The following ITGB3 variants were observed in gnomAD, a reference collection of about 807,000 sequenced individuals.
ITGB3 encodes the protein integrin beta-3.
Under a neutral mutation model 85.8 loss-of-function variants are expected in ITGB3, and 48 were observed. The ratio of observed to expected loss-of-function variants is 0.56; its 90% confidence interval spans 0.44 to 0.71. The LOEUF (loss-of-function observed/expected upper bound fraction) is 0.71. Ranked by LOEUF, ITGB3 falls within the 30% of genes least tolerant of loss-of-function variation. The probability of loss-of-function intolerance (pLI) is 0.00; values close to 1 mark genes in which losing one functional copy is unlikely to be tolerated. For synonymous variants in ITGB3, 363 were observed against 395.6 expected (o/e 0.92, Z 0.98); for missense variants, 861 against 1,019.1 (o/e 0.84, Z 2.11).
chr17:47,283,764 A>G (rs998195575), intron 3 of ITGB3, among the ~76,000 whole-genome samples: 1 of 152,250 alleles, frequency 6.6e-6, no homozygotes, highest in Non-Finnish European at 1.5e-5. Flanking sequence ...ACTGTATCAT[A>G]TATTAGCTAT....
rs376656815 is a variant in ITGB3 at position 47,292,163 on chromosome 17, G to A, written c.1285G>A (p.Val429Met). 3.1e-6 allele frequency: 5 copies of A among 1,614,096 alleles called. No homozygotes were observed. In the African/African-American group the frequency reaches 6.7e-5, roughly 22 times the overall value. ...GGTGAGCTTCAGCATTGAGGCCAAG[G>A]TGCGAGGCTGTCCCCAGGAGAAGGA... is the stretch of plus-strand genomic sequence containing the variant. ...DTVSFSIEAKVRGCPQEKEKS... is the reference protein window; with the variant it reads ...DTVSFSIEAKMRGCPQEKEKS... The change falls in exon 10 of 15, where the codon GTG becomes ATG. Residue 429 changes from valine (V) to methionine (M), a missense_variant. Val to Met is a conservative substitution (Grantham distance 21). Coordinates refer to ENST00000559488, the MANE Select transcript of ITGB3 (RefSeq NM_000212.3).
intron 2 of ITGB3, among the ~76,000 whole-genome samples, chr17:47,278,460 A>T (rs969713318): frequency 2.0e-5 from 3 of 151,954 alleles, no homozygotes; most frequent in African/African-American, 7.3e-5. Flanking sequence ...CAGGCCTGTA[A>T]CCCCAGCTAC....
At chr17:47,305,134 T>C (rs2065182668) in intron 13 of ITGB3, among the ~76,000 whole-genome samples, 2 of 152,200 alleles carry the variant, frequency 1.3e-5, no homozygotes, top group Admixed American at 1.3e-4. Context: ...CTGCCCATAC[T>C]AATGTGCAGA....
intron 13 of ITGB3, chr17:47,303,631 C>A (rs2065175717): frequency 6.6e-6 from 1 of 152,282 alleles, no homozygotes; most frequent in African/African-American, 2.4e-5. Flanking sequence ...GTTTGAGGCA[C>A]TAAGGCAAGG....
chr17:47,279,794 A>G (rs1478696877), intron 2 of ITGB3: 1 of 152,202 alleles, frequency 6.6e-6, no homozygotes, highest in Admixed American at 6.5e-5. Flanking sequence ...TCCGCTCCTC[A>G]CTGCATTCTG....
chr17:47,272,662 A>T (rs2065048545), intron 1 of ITGB3, among the ~76,000 whole-genome samples: 3 of 116,742 alleles, frequency 2.6e-5, no homozygotes, highest in South Asian at 3.1e-4. Context: ...AATTTTATGT[A>T]ATCTTTCTTT....
At chr17:47,254,723 G>A (rs768394200) in intron 1 of ITGB3, among the ~76,000 whole-genome samples, 2 of 152,130 alleles carry the variant, frequency 1.3e-5, no homozygotes, top group African/African-American at 4.8e-5. Context: ...ATTGGCATTC[G>A]GCCTCTTTGG....
intron 1 of ITGB3, among the ~76,000 whole-genome samples, chr17:47,254,271 G>A (rs1380836880): frequency 6.6e-6 from 1 of 152,090 alleles, no homozygotes; most frequent in Non-Finnish European, 1.5e-5. Flanking sequence ...CGCGCGTCGC[G>A]GGTGGTCCTG....
intron 1 of ITGB3, among the ~76,000 whole-genome samples, chr17:47,256,473 A>AC (rs5820648): frequency 0.11 from 15,082 of 132,620 alleles, 759 homozygotes; most frequent in Middle Eastern, 0.24. Flanking sequence ...CCAGAGTAAT[A>AC]CCCCCCCCCC....
intron 1 of ITGB3, among the ~76,000 whole-genome samples, chr17:47,272,340 C>T (rs1177783544): frequency 6.6e-6 from 1 of 152,028 alleles, no homozygotes; most frequent in Non-Finnish European, 1.5e-5. Flanking sequence ...AGGTGTGAGC[C>T]ACTGCGCTTG....
chr17:47,299,446 G>C lies in ITGB3; in HGVS notation c.1829G>C (p.Gly610Ala). 1 of 1,614,278 alleles carries C rather than the reference G, an allele frequency of 6.2e-7. No individual in the cohort carries two copies. The change falls in exon 11 of 15, where the codon GGC becomes GCC. Residue 610 changes from glycine (G) to alanine (A), a missense_variant. Gly to Ala is a moderately conservative substitution (Grantham distance 60, BLOSUM62 0). Transcript: ENST00000559488. The surrounding 1 kb of genome is among the most constrained non-coding windows in gnomAD (Gnocchi z 5.1). ...AGCGGCCGCGGCAAGTGTGAATGTG[G>C]CAGCTGTGTCTGTATCCAGCCGGGC... Reference protein sequence around the residue: ...LCSGRGKCECGSCVCIQPGSY... With the variant: ...LCSGRGKCECASCVCIQPGSY...
chr17:47,279,844 G>C (rs953487007), intron 2 of ITGB3: 2 of 152,394 alleles, frequency 1.3e-5, no homozygotes, highest in African/African-American at 2.4e-5. Context: ...TCTCCCTGGG[G>C]CTTTGTGGGC....
intron 3 of ITGB3, 98 bp downstream of exon 3, chr17:47,283,647 A>G: frequency 8.5e-7 from 1 of 1,173,368 alleles, no homozygotes; most frequent in Admixed American, 1.8e-5. Context: ...GTAGCTCAGA[A>G]TGGAAATGGG....
intron 10 of ITGB3, among the ~76,000 whole-genome samples, chr17:47,293,720 G>C (rs2065135912): frequency 6.6e-6 from 1 of 151,886 alleles, no homozygotes; most frequent in Admixed American, 6.6e-5. Context: ...CAATTCTCCT[G>C]CCTCAGCCTC....
At chr17:47,274,905 A>G (rs949012525) in intron 2 of ITGB3, among the ~76,000 whole-genome samples, 4 of 152,150 alleles carry the variant, frequency 2.6e-5, no homozygotes, top group Admixed American at 6.5e-5. Context: ...TGGCCTCCCA[A>G]TGTGCTGGGA....
chr17:47,256,540 A>G (rs1414345215), intron 1 of ITGB3, among the ~76,000 whole-genome samples: 2 of 150,948 alleles, frequency 1.3e-5, no homozygotes, highest in Admixed American at 1.3e-4. Context: ...TGTTGGTGGT[A>G]GGGTCTTCAG....
At chr17:47,259,844 A>G (rs1394896136) in intron 1 of ITGB3, among the ~76,000 whole-genome samples, 1 of 152,226 alleles carries the variant, frequency 6.6e-6, no homozygotes, top group Non-Finnish European at 1.5e-5. Flanking sequence ...GGTTGCAGTG[A>G]GCCGAGATTG....
intron 4 of ITGB3, among the ~76,000 whole-genome samples, chr17:47,285,648 AT>A (rs1382130560): frequency 1.3e-5 from 2 of 152,060 alleles, no homozygotes; most frequent in Admixed American, 6.6e-5. Context: ...AAGTTATATG[AT>A]GTGGCATTCA....
chr17:47,270,394 A>G (rs1226661467), intron 1 of ITGB3, among the ~76,000 whole-genome samples: 1 of 152,188 alleles, frequency 6.6e-6, no homozygotes, highest in Non-Finnish European at 1.5e-5. Flanking sequence ...TCCTCTCAGA[A>G]GTCTTCTGAT....
Sources: allele counts gnomAD v4.1 joint callset (sites outside exome capture counted in the v4.1 genomes callset), GRCh38; gene constraint gnomAD v4.1.1; non-coding constraint Gnocchi (gnomAD v3.1); transcripts MANE v1.5; gene names NCBI Gene and HGNC (gene_info 2026-07-23, HGNC 2026-07-21).